Variants in CSMD1 observed in about 807,000 individuals in gnomAD.
CSMD1 encodes CUB and sushi domain-containing protein 1.
In CSMD1, 213 loss-of-function variants were observed where a neutral mutation model predicts 417.5. The ratio of observed to expected loss-of-function variants is 0.51; its 90% CI spans 0.46 to 0.57. The LOEUF is 0.57. Among genes scored for constraint, CSMD1 ranks in the 20% least tolerant of loss-of-function variants. CSMD1 has a pLI of 0.00. For missense variants in CSMD1, 6,923 were observed against 4,529.7 expected (o/e 1.53, Z -15.17); for synonymous variants, 2,862 against 1,736.8 (o/e 1.65, Z -16.11).
chr8:3,848,754 T>C (rs1019316660), intron 5 of CSMD1, among the ~76,000 whole-genome samples: 1 of 152,124 alleles, frequency 6.6e-6, no homozygotes, highest in African/African-American at 2.4e-5. Context: ...ACTACATGTG[T>C]CTAATTATAA....
At chr8:3,925,949 T>A (rs2627403) in intron 5 of CSMD1, among the ~76,000 whole-genome samples, 1 of 150,436 alleles carries the variant, frequency 6.6e-6, no homozygotes, top group Admixed American at 6.6e-5. Context: ...CAGTAAAGGC[T>A]TTTCCTTATA....
At chr8:4,220,984 G>A (rs1225463113) in intron 3 of CSMD1, among the ~76,000 whole-genome samples, 2 of 152,162 alleles carry the variant, frequency 1.3e-5, no homozygotes, top group African/African-American at 2.4e-5. Context: ...AGCCCTTGGG[G>A]TGCTCTCCTC....
intron 1 of CSMD1, among the ~76,000 whole-genome samples, chr8:4,991,521 C>T (rs545452198): frequency 2.0e-5 from 3 of 152,326 alleles, no homozygotes; most frequent in Admixed American, 6.5e-5. Flanking sequence ...CTGCGCCTGC[C>T]TTCGCCACAG....
intron 3 of CSMD1, among the ~76,000 whole-genome samples, chr8:4,086,236 A>G (rs547478472): frequency 2.0e-5 from 3 of 152,314 alleles, no homozygotes; most frequent in South Asian, 2.1e-4. Flanking sequence ...GTACATCTTC[A>G]TGAACAAAGA....
At chr8:4,066,678 A>G (rs569293392) in intron 3 of CSMD1, among the ~76,000 whole-genome samples, 14 of 152,296 alleles carry the variant, frequency 9.2e-5, no homozygotes, top group Admixed American at 3.3e-4. Context: ...GAACATTTCT[A>G]TTCTATCCAA....
rs550498844 is a variant in CSMD1 at position 4,271,004 on chromosome 8, T to C, written c.415+148949A>G. 1.1e-4 allele frequency among the ~76,000 whole-genome samples: 16 copies of C among 152,252 alleles called. No homozygotes were observed. In the South Asian group the frequency reaches 2.5e-3, roughly 24 times the overall value. ...TTACTGAGATTGCATTTTAAATTGT[T>C]ATGAGAGCAGGTCCTAGTGGGAAGA... is the stretch of plus-strand genomic sequence containing the variant. On this transcript the variant is annotated intron_variant, in intron 3 of 69. Coordinates refer to ENST00000635120, the MANE Select transcript of CSMD1 (RefSeq NM_033225.6).
rs1384359390 is a variant in CSMD1, at chr8:3,387,618, A to G, written c.2658T>C (p.Gly886=). 1 of 1,601,160 alleles carries G rather than the reference A, an allele frequency of 6.2e-7. No individual in the cohort carries two copies. The highest frequency in any genetic ancestry group is 2.3e-5 in the East Asian group (1 of 44,234). ...CTGTGGACCTGATGCCAAAGTCTCC[A>G]CCGTGGCGATGGCCGTTCACAGGGA... ...PGIPVNGHRH[G]GDFGIRSTVT... Residue 886 remains glycine, a synonymous_variant, in exon 18 of 70, where the codon GGT becomes GGC. Transcript: ENST00000635120.
chr8:4,889,418 G>C (rs898454787), intron 1 of CSMD1, among the ~76,000 whole-genome samples: 1 of 152,096 alleles, frequency 6.6e-6, no homozygotes, highest in Non-Finnish European at 1.5e-5. Context: ...CTGAATCCTG[G>C]CTGGGAAAAG....
At chr8:4,261,660 T>G (rs1259357265) in intron 3 of CSMD1, among the ~76,000 whole-genome samples, 1 of 152,158 alleles carries the variant, frequency 6.6e-6, no homozygotes, top group Non-Finnish European at 1.5e-5. Flanking sequence ...TCCTGCCACC[T>G]CGGCCTCCCA....
rs138708682 is a variant in CSMD1 at position 3,448,244 on chromosome 8, G to A, written c.1561+20468C>T. Among the ~76,000 whole-genome samples the A allele has an allele frequency of 5.9e-3, 823 of 138,928 alleles. 13 individuals are homozygous for A. Among genetic ancestry groups the A allele is most frequent in the African/African-American group, 0.021 (777 of 37,616 alleles). The allele number at this position is 138,928 out of a possible 152,430, so 91.1% of individuals were successfully genotyped here. A position where few individuals can be genotyped will look rare whatever the true frequency, so the allele number is the denominator to read the frequency against. The stretch of plus-strand genomic sequence containing the variant: ...GGCCAACTCTCAAAAGGGAGAAGAG[G>A]ATTGATCTCAAGACCATCCTTGGAC... On this transcript the variant is annotated intron_variant, in intron 12 of 69. Coordinates refer to ENST00000635120, the MANE Select transcript of CSMD1 (RefSeq NM_033225.6).
chr8:4,638,725 T>G (rs1243147846), intron 1 of CSMD1, among the ~76,000 whole-genome samples: 1 of 152,096 alleles, frequency 6.6e-6, no homozygotes, highest in African/African-American at 2.4e-5. Context: ...GAACTTCCCT[T>G]TGGCAGGTGG....
chr8:3,775,386 GC>G (rs1798841813), intron 5 of CSMD1, among the ~76,000 whole-genome samples: 2 of 152,128 alleles, frequency 1.3e-5, no homozygotes, highest in African/African-American at 4.8e-5. Flanking sequence ...CAGGTAACAG[GC>G]CCAGGTACCT....
chr8:3,895,874 G>C (rs531591120), intron 5 of CSMD1, among the ~76,000 whole-genome samples: 1 of 152,164 alleles, frequency 6.6e-6, no homozygotes, highest in African/African-American at 2.4e-5. Context: ...GGAATAGTCA[G>C]GTTAACCTCA....
chr8:3,291,787 T>C (rs1416750535), intron 25 of CSMD1, among the ~76,000 whole-genome samples: 1 of 150,888 alleles, frequency 6.6e-6, no homozygotes, highest in Non-Finnish European at 1.5e-5. Context: ...GCTCCTGGAT[T>C]CATTGACTTT....
intron 5 of CSMD1, among the ~76,000 whole-genome samples, chr8:3,919,538 T>C (rs952285971): frequency 3.9e-5 from 6 of 152,280 alleles, no homozygotes; most frequent in East Asian, 1.9e-4. Context: ...TTACTGAAGA[T>C]TGGTAATATA....
At chr8:4,290,617 G>A (rs755034446) in intron 3 of CSMD1, among the ~76,000 whole-genome samples, 3 of 152,198 alleles carry the variant, frequency 2.0e-5, no homozygotes, top group East Asian at 1.9e-4. Context: ...GGTAGATGCT[G>A]TATTTAGGAA....
chr8:4,529,337 G>C (rs1017191855), intron 2 of CSMD1, among the ~76,000 whole-genome samples: 1 of 152,130 alleles, frequency 6.6e-6, no homozygotes, highest in South Asian at 2.1e-4. Flanking sequence ...GAATCCAGCT[G>C]TCTGCTGTTA....
chr8:4,741,514 C>A (rs930699216), intron 1 of CSMD1, among the ~76,000 whole-genome samples: 1 of 152,056 alleles, frequency 6.6e-6, no homozygotes, highest in African/African-American at 2.4e-5. Flanking sequence ...TAAGCATGAT[C>A]AAAACAAAAA....
intron 2 of CSMD1, among the ~76,000 whole-genome samples, chr8:4,515,393 C>T (rs549148920): frequency 1.3e-5 from 2 of 152,144 alleles, no homozygotes; most frequent in South Asian, 4.2e-4. Flanking sequence ...TGTTATGGGA[C>T]CCATGAAGAG....
Sources: gnomAD v4.1 joint callset for allele counts (sites outside exome capture counted in the v4.1 genomes callset) on GRCh38, gnomAD v4.1.1 for gene constraint, MANE v1.5 for transcripts, NCBI Gene and HGNC (gene_info 2026-07-23, HGNC 2026-07-21) for gene names.